The following ABTB3 variants were observed in gnomAD, a reference collection of about 807,000 sequenced individuals.
The protein encoded by ABTB3 is ankyrin repeat and BTB domain containing 3, also known as ankyrin repeat- and BTB/POZ domain-containing protein 3.
chr12:107,580,553 G>C, the ABTB3 span: 2 of 176,634 alleles, frequency 1.1e-5, no homozygotes, highest in Non-Finnish European at 2.4e-5. Flanking sequence ...GCCTGGGTCT[G>C]GGGGAAGGCT....
At chr12:107,354,107 A>G in the ABTB3 span, among the ~76,000 whole-genome samples, 92 of 152,332 alleles carry the variant, frequency 6.0e-4, no homozygotes, top group African/African-American at 2.1e-3. Flanking sequence ...AATACGATAC[A>G]GAATAGTTCC....
At chr12:107,363,106 G>GC in the ABTB3 span, among the ~76,000 whole-genome samples, 1 of 152,336 alleles carries the variant, frequency 6.6e-6, no homozygotes, top group South Asian at 2.1e-4. Context: ...CAGCTAAAAG[G>GC]CCAGACTTCC....
At chr12:107,583,274 C>T in the ABTB3 span, among the ~76,000 whole-genome samples, 35 of 152,308 alleles carry the variant, frequency 2.3e-4, no homozygotes, top group Admixed American at 4.6e-4. Context: ...TCTGCTACCG[C>T]TGAAATAATA....
At chr12:107,362,620 C>T in the ABTB3 span, among the ~76,000 whole-genome samples, 3 of 152,050 alleles carry the variant, frequency 2.0e-5, no homozygotes, top group African/African-American at 7.2e-5. Flanking sequence ...TAGTGAGACC[C>T]AGTCTTTAAA....
At chr12:107,549,946 A>G in the ABTB3 span, among the ~76,000 whole-genome samples, 1 of 152,214 alleles carries the variant, frequency 6.6e-6, no homozygotes, top group African/African-American at 2.4e-5. Flanking sequence ...ACCTTGCACA[A>G]TCACCCATGT....
the ABTB3 span, among the ~76,000 whole-genome samples, chr12:107,493,639 C>A: frequency 2.6e-5 from 4 of 152,082 alleles, no homozygotes; most frequent in African/African-American, 9.7e-5. Flanking sequence ...GAGAAAGTGA[C>A]CTTGTTTGGA....
the ABTB3 span, among the ~76,000 whole-genome samples, chr12:107,396,976 A>G: frequency 5.9e-5 from 9 of 152,184 alleles, no homozygotes; most frequent in African/African-American, 1.9e-4. Context: ...TTCACCCAGT[A>G]TTGTTTTTCA....
At chr12:107,632,997 A>G in the ABTB3 span, among the ~76,000 whole-genome samples, 624 of 152,214 alleles carry the variant, frequency 4.1e-3, 2 homozygotes, top group African/African-American at 0.014. Flanking sequence ...TCCCGTCTGA[A>G]GTCCTTTTCT....
the ABTB3 span, among the ~76,000 whole-genome samples, chr12:107,641,396 A>G: frequency 2.6e-5 from 4 of 152,216 alleles, no homozygotes; most frequent in Non-Finnish European, 2.9e-5. Flanking sequence ...AACTCTCTGT[A>G]TTATCTTTGC....
the ABTB3 span, among the ~76,000 whole-genome samples, chr12:107,443,218 G>A: frequency 6.6e-6 from 1 of 151,914 alleles, no homozygotes; most frequent in Non-Finnish European, 1.5e-5. Flanking sequence ...GGATGCATTT[G>A]CTCAGAAGGA....
At chr12:107,647,882 A>G in the ABTB3 span, among the ~76,000 whole-genome samples, 22 of 152,220 alleles carry the variant, frequency 1.4e-4, no homozygotes, top group African/African-American at 4.6e-4. Context: ...CAGATCAGAA[A>G]CTGAGGCAGC....
chr12:107,540,220 C>G, the ABTB3 span, among the ~76,000 whole-genome samples: 1 of 152,200 alleles, frequency 6.6e-6, no homozygotes, highest in Non-Finnish European at 1.5e-5. Context: ...GTCTGGTTCT[C>G]TCTGCCTCCA....
chr12:107,441,017 C>T, the ABTB3 span, among the ~76,000 whole-genome samples: 24 of 152,314 alleles, frequency 1.6e-4, no homozygotes, highest in East Asian at 2.1e-3. Flanking sequence ...CAGTCCTCAA[C>T]GTCAGCCGAC....
chr12:107,427,279 C>T, the ABTB3 span, among the ~76,000 whole-genome samples: 5 of 149,964 alleles, frequency 3.3e-5, no homozygotes, highest in African/African-American at 1.2e-4. Context: ...CCTCCTGTGT[C>T]CCTATTTTTT....
chr12:107,329,666 C>T, the ABTB3 span, among the ~76,000 whole-genome samples: 3 of 152,210 alleles, frequency 2.0e-5, no homozygotes, highest in Non-Finnish European at 4.4e-5. Flanking sequence ...CTCTCTGTGA[C>T]TCAGTCTTTC....
At chr12:107,466,592 G>T in the ABTB3 span, among the ~76,000 whole-genome samples, 1 of 151,998 alleles carries the variant, frequency 6.6e-6, no homozygotes, top group African/African-American at 2.4e-5. Flanking sequence ...AGCCTGCAGG[G>T]CACAGGGACT....
the ABTB3 span, among the ~76,000 whole-genome samples, chr12:107,558,265 A>T: frequency 2.6e-5 from 4 of 152,188 alleles, no homozygotes; most frequent in Non-Finnish European, 5.9e-5. Context: ...AGTTATTAAA[A>T]TGCTGAAATG....
chr12:107,344,213 G>A, the ABTB3 span, among the ~76,000 whole-genome samples: 1 of 152,170 alleles, frequency 6.6e-6, no homozygotes, highest in African/African-American at 2.4e-5. Flanking sequence ...CTTTTAAGCA[G>A]CGTCACTGGA....
At chr12:107,472,661 G>A in the ABTB3 span, among the ~76,000 whole-genome samples, 5 of 152,300 alleles carry the variant, frequency 3.3e-5, no homozygotes, top group African/African-American at 7.2e-5. Flanking sequence ...AGTGATGTAC[G>A]AGCATTGGCT....
Sources: gnomAD v4.1 joint callset for allele counts (sites outside exome capture counted in the v4.1 genomes callset) on GRCh38, gnomAD v4.1.1 for gene constraint, MANE v1.5 for transcripts, NCBI Gene and HGNC (gene_info 2026-07-23, HGNC 2026-07-21) for gene names.